Variants in CYP39A1 observed in about 807,000 individuals in gnomAD.
CYP39A1 encodes the protein 24-hydroxycholesterol 7-alpha-hydroxylase.
A neutral mutation model predicts 58.1 loss-of-function variants in CYP39A1; 49 were observed. The observed-to-expected ratio is 0.84, with a 90% CI of 0.67 to 1.07. The LOEUF (loss-of-function observed/expected upper bound fraction) is 1.07. Ranked by LOEUF, CYP39A1 falls within the 50% of genes least tolerant of loss-of-function variation. The probability of loss-of-function intolerance (pLI) is 0.00; values close to 1 mark genes in which losing one functional copy is unlikely to be tolerated. For missense variants in CYP39A1, 531 were observed against 539.4 expected (o/e 0.98, Z 0.16); for synonymous variants, 209 against 187.6 (o/e 1.11, Z -0.93).
intron 7 of CYP39A1, among the ~76,000 whole-genome samples, chr6:46,606,735 TA>T (rs1773871633): frequency 1.3e-5 from 2 of 152,304 alleles, no homozygotes; most frequent in South Asian, 4.1e-4. Context: ...AAAAAGTTTA[TA>T]AAACATTATA....
chr6:46,569,845 T>C (rs1771485217), intron 10 of CYP39A1, among the ~76,000 whole-genome samples: 1 of 152,090 alleles, frequency 6.6e-6, no homozygotes, highest in Non-Finnish European at 1.5e-5. Flanking sequence ...TTTCTTGTAG[T>C]TTCCTTGTCT....
At chr6:46,551,837 T>C (rs1167756912) in intron 11 of CYP39A1, among the ~76,000 whole-genome samples, 2 of 152,138 alleles carry the variant, frequency 1.3e-5, no homozygotes, top group Non-Finnish European at 2.9e-5. Flanking sequence ...GTCACCTGAT[T>C]TTATAATTTA....
chr6:46,616,212 CT>C (rs1774579995), intron 7 of CYP39A1, among the ~76,000 whole-genome samples: 1 of 12,234 alleles, frequency 8.2e-5, no homozygotes, highest in Non-Finnish European at 1.6e-4. Flanking sequence ...CCCTCCCTCC[CT>C]CCCTCCCTCC....
intron 2 of CYP39A1, 146 bp downstream of exon 2, chr6:46,642,017 C>T (rs1776369888): frequency 1.2e-6 from 1 of 856,294 alleles, no homozygotes; most frequent in Non-Finnish European, 1.8e-6. Context: ...CTACCCATAA[C>T]TCTTTCCTCT....
At chr6:46,593,847 G>T (rs1374103159) in intron 8 of CYP39A1, among the ~76,000 whole-genome samples, 1 of 152,114 alleles carries the variant, frequency 6.6e-6, no homozygotes, top group African/African-American at 2.4e-5. Flanking sequence ...CTTTCATGGT[G>T]CACTTGAGAA....
At chr6:46,583,421 C>T (rs1772264947) in intron 10 of CYP39A1, 1 of 985,264 alleles carries the variant, frequency 1.0e-6, no homozygotes, top group South Asian at 4.7e-5. Context: ...GGTGCTCACT[C>T]AAAGAAGTTT....
rs375206572 is a variant in CYP39A1, at chr6:46,637,909, T to C, written c.558A>G (p.Lys186=). 6.2e-7 allele frequency: 1 copy of C among 1,613,158 alleles called. No individual in the cohort carries two copies. The highest frequency in any genetic ancestry group is 8.5e-7 in the Non-Finnish European group (1 of 1,179,788). Residue 186 remains lysine, a synonymous_variant, in exon 4 of 12, where the codon AAA becomes AAG. Coordinates refer to ENST00000275016, the MANE Select transcript of CYP39A1 (RefSeq NM_016593.5). ...GAAAATACTGATGGAACTCCTTGAT[T>C]TTTTTCTTGTTTGTGGAAAACAAAC... ...NKSLFSTNKK[K]IKEFHQYFQV... is the part of the protein sequence containing the mutation.
intron 7 of CYP39A1, among the ~76,000 whole-genome samples, chr6:46,607,118 G>A (rs1165434476): frequency 2.0e-5 from 3 of 152,052 alleles, no homozygotes; most frequent in South Asian, 2.1e-4. Context: ...TTGCTACTAC[G>A]CCACATTGCT....
chr6:46,628,268 T>C (rs147750969), intron 6 of CYP39A1, among the ~76,000 whole-genome samples: 59 of 152,318 alleles, frequency 3.9e-4, no homozygotes, highest in African/African-American at 1.3e-3. Flanking sequence ...GTTGGGCATA[T>C]GAATACATAT....
intron 11 of CYP39A1, among the ~76,000 whole-genome samples, chr6:46,551,902 A>G (rs1770417644): frequency 6.6e-6 from 1 of 152,230 alleles, no homozygotes; most frequent in African/African-American, 2.4e-5. Flanking sequence ...ATTCTAGAAT[A>G]AGAATTGTGA....
At chr6:46,636,333 C>T (rs1775987694) in intron 5 of CYP39A1, 56 bp downstream of exon 5, 1 of 1,322,214 alleles carries the variant, frequency 7.6e-7, no homozygotes, top group South Asian at 1.3e-5. Flanking sequence ...TATATTTTAA[C>T]AACAATAATT....
intron 9 of CYP39A1, 132 bp downstream of exon 9, chr6:46,587,902 C>T (rs1272409686): frequency 2.0e-6 from 1 of 509,332 alleles, no homozygotes; most frequent in Non-Finnish European, 3.4e-6. Context: ...ACTTTGTAGT[C>T]AACTTTGTTC....
chr6:46,587,805 G>T (rs1461795317), intron 9 of CYP39A1, among the ~76,000 whole-genome samples: 1 of 152,078 alleles, frequency 6.6e-6, no homozygotes, highest in Middle Eastern at 3.2e-3. Context: ...CATGTAAAAT[G>T]TATTTTAAAG....
At chr6:46,604,419 C>T (rs1243412551) in intron 7 of CYP39A1, among the ~76,000 whole-genome samples, 1 of 152,164 alleles carries the variant, frequency 6.6e-6, no homozygotes, top group Non-Finnish European at 1.5e-5. Context: ...AATTAGATAA[C>T]ACATGGAACC....
At chr6:46,589,205 CA>C (rs1772660734) in intron 8 of CYP39A1, among the ~76,000 whole-genome samples, 1 of 152,082 alleles carries the variant, frequency 6.6e-6, no homozygotes, top group Non-Finnish European at 1.5e-5. Context: ...GTAATCCTAG[CA>C]CTTTGGGAGG....
In CYP39A1 at chr6:46,624,290, G is replaced by T. The variant is rs144008542; in HGVS notation, c.931+1128C>A. 2.7e-3 allele frequency among the ~76,000 whole-genome samples: 407 copies of T among 152,236 alleles called. 3 individuals carry two copies. Among genetic ancestry groups the T allele is most frequent in the African/African-American group, 9.4e-3 (391 of 41,540 alleles). On this transcript the variant is annotated intron_variant, in intron 7 of 11. Coordinates refer to ENST00000275016, the MANE Select transcript of CYP39A1 (RefSeq NM_016593.5). ...AATATGTGACAATCAAGAGTGCATT[G>T]CCTTTTTCCATTTGTAGACATGTGG...
chr6:46,617,568 G>T (rs1303666862), intron 7 of CYP39A1, among the ~76,000 whole-genome samples: 1 of 152,114 alleles, frequency 6.6e-6, no homozygotes, highest in African/African-American at 2.4e-5. Context: ...CTGGAAATTG[G>T]ATTGAAGCAT....
intron 7 of CYP39A1, among the ~76,000 whole-genome samples, chr6:46,598,595 G>C (rs1214608356): frequency 1.3e-5 from 2 of 152,078 alleles, no homozygotes; most frequent in Non-Finnish European, 2.9e-5. Context: ...AAAAGCCATG[G>C]TCAGAATTCT....
intron 10 of CYP39A1, chr6:46,583,197 T>C: frequency 2.0e-6 from 2 of 985,402 alleles, no homozygotes; most frequent in South Asian, 4.7e-5. Context: ...TCTCTTCTTA[T>C]CCAAGCATGC....
Sources: allele counts gnomAD v4.1 joint callset (sites outside exome capture counted in the v4.1 genomes callset), GRCh38; gene constraint gnomAD v4.1.1; transcripts MANE v1.5; gene names NCBI Gene and HGNC (gene_info 2026-07-23, HGNC 2026-07-21).